The following NCAM2 variants were observed in gnomAD, a reference collection of about 807,000 sequenced individuals.
NCAM2 encodes neural cell adhesion molecule 2.
In NCAM2, 30 loss-of-function variants were observed where a neutral mutation model predicts 98.1. The ratio of observed to expected loss-of-function variants is 0.31; its 90% CI spans 0.23 to 0.41. The LOEUF is 0.41. Among genes scored for constraint, NCAM2 ranks in the 10% least tolerant of loss-of-function variants. NCAM2 has a pLI of 1.00. For missense variants in NCAM2, 867 were observed against 1,005.8 expected, an observed-to-expected ratio of 0.86 and a Z score of 1.87; for synonymous variants, 368 against 342.4, an observed-to-expected ratio of 1.07 and a Z score of -0.83.
chr21:21,366,879 C>A (rs1317959526), intron 8 of NCAM2, among the ~76,000 whole-genome samples: 1 of 151,872 alleles, frequency 6.6e-6, no homozygotes, highest in Admixed American at 6.6e-5. Context: ...GTATTAGATA[C>A]CAAAACATTT....
intron 15 of NCAM2, among the ~76,000 whole-genome samples, chr21:21,507,150 C>G (rs1167523820): frequency 6.6e-6 from 1 of 151,680 alleles, no homozygotes; most frequent in East Asian, 1.9e-4. Context: ...ACTCAGTCAT[C>G]CTACAGAACT....
At chr21:21,239,905 T>C (rs1335855597) in intron 1 of NCAM2, among the ~76,000 whole-genome samples, 1 of 152,146 alleles carries the variant, frequency 6.6e-6, no homozygotes, top group East Asian at 1.9e-4. Flanking sequence ...ATCTCAAGTA[T>C]GTTTTTTCCT....
intron 6 of NCAM2, among the ~76,000 whole-genome samples, chr21:21,334,472 T>C (rs1485717874): frequency 1.3e-5 from 2 of 152,114 alleles, no homozygotes; most frequent in South Asian, 4.1e-4. Flanking sequence ...TTTTAGAAAA[T>C]AGTTTTAATA....
chr21:21,130,489 T>C (rs903662779), intron 1 of NCAM2, among the ~76,000 whole-genome samples: 2 of 152,100 alleles, frequency 1.3e-5, no homozygotes, highest in Admixed American at 6.6e-5. Flanking sequence ...GTGCTTCCAA[T>C]AACATTTTCC....
intron 1 of NCAM2, among the ~76,000 whole-genome samples, chr21:21,166,496 G>A (rs1449900499): frequency 3.6e-5 from 5 of 139,338 alleles, no homozygotes; most frequent in Admixed American, 2.1e-4. Flanking sequence ...GTGAGCCACC[G>A]CGCCTGGCCT....
In NCAM2 at chr21:21,265,051, A is replaced by ATTATATATATGTGT. The variant is rs1568855519; in HGVS notation, c.56-15527_56-15526insTTATATATATGTGT. 1.8e-3 allele frequency among the ~76,000 whole-genome samples: 36 copies of ATTATATATATGTGT among 20,046 alleles called. No homozygotes were observed. The East Asian group carries it at 0.024, about 13-fold the overall frequency. 13.2% of individuals were successfully genotyped at this position (20,046 alleles called of 152,430 possible). ...TCTGTGTATATATGTACACATATAT[A>ATTATATATATGTGT]CTATATATGTGTATGTGTATATATA... On this transcript the variant is annotated intron_variant, in intron 1 of 17. Coordinates refer to ENST00000400546, the MANE Select transcript of NCAM2 (RefSeq NM_004540.5).
rs201699091 is a variant in NCAM2 at position 21,003,603 on chromosome 21, AG to A, written c.55+4987del. On this transcript the variant is annotated intron_variant, in intron 1 of 17. Transcript: ENST00000400546. ...TACCAAATGTCAACCCTACTATGCT[AG>A]GCTTTGTTTATATTTTTTAATAATG... 4.0e-3 allele frequency among the ~76,000 whole-genome samples: 606 copies of A among 152,312 alleles called. 5 individuals carry two copies. The highest frequency in any genetic ancestry group is 0.014 in the African/African-American group (575 of 41,578).
At chr21:21,309,755 A>G (rs750847555) in intron 5 of NCAM2, among the ~76,000 whole-genome samples, 1 of 152,136 alleles carries the variant, frequency 6.6e-6, no homozygotes, top group Non-Finnish European at 1.5e-5. Flanking sequence ...AGAGACCTCT[A>G]AACTCCAACT....
chr21:21,199,706 T>C (rs1913975273), intron 1 of NCAM2, among the ~76,000 whole-genome samples: 1 of 152,224 alleles, frequency 6.6e-6, no homozygotes, highest in Non-Finnish European at 1.5e-5. Context: ...ACATTACCAC[T>C]GCATAGATTA....
intron 15 of NCAM2, among the ~76,000 whole-genome samples, chr21:21,506,201 A>C (rs1349125848): frequency 1.3e-5 from 2 of 152,162 alleles, no homozygotes; most frequent in African/African-American, 4.8e-5. Flanking sequence ...CATCATGTGA[A>C]TGTATACACC....
chr21:21,387,179 C>CACAAACAT (rs2076287786), intron 9 of NCAM2, among the ~76,000 whole-genome samples: 1 of 67,854 alleles, frequency 1.5e-5, no homozygotes, highest in Non-Finnish European at 3.4e-5. Flanking sequence ...TTGGTGCGCA[C>CACAAACAT]ACACACATAC....
chr21:21,088,129 A>G (rs1195188904), intron 1 of NCAM2, among the ~76,000 whole-genome samples: 1 of 152,234 alleles, frequency 6.6e-6, no homozygotes, highest in African/African-American at 2.4e-5. Context: ...AAATTTGTGT[A>G]TACAATTAAT....
At chr21:21,379,361 T>C (rs182808482) in intron 9 of NCAM2, among the ~76,000 whole-genome samples, 177 of 152,220 alleles carry the variant, frequency 1.2e-3, no homozygotes, top group African/African-American at 4.1e-3. Context: ...TTAGTATATG[T>C]ATTTTAGATA....
chr21:21,029,116 C>G (rs1168589274), intron 1 of NCAM2, among the ~76,000 whole-genome samples: 1 of 152,120 alleles, frequency 6.6e-6, no homozygotes, highest in Non-Finnish European at 1.5e-5. Flanking sequence ...AACAGAAACC[C>G]ACAATCTTTG....
chr21:21,000,694 T>A (rs1281992039), intron 1 of NCAM2, among the ~76,000 whole-genome samples: 1 of 152,002 alleles, frequency 6.6e-6, no homozygotes, highest in Non-Finnish European at 1.5e-5. Flanking sequence ...GTGGCACTCA[T>A]AGAGACACAG....
At chr21:21,203,783 G>A (rs1568763758) in intron 1 of NCAM2, among the ~76,000 whole-genome samples, 1 of 152,150 alleles carries the variant, frequency 6.6e-6, no homozygotes, top group Non-Finnish European at 1.5e-5. Flanking sequence ...ACTTCTTAAA[G>A]TGTGTAGGTA....
intron 1 of NCAM2, chr21:21,147,003 C>G (rs2067295620): frequency 1.3e-6 from 1 of 758,696 alleles, no homozygotes; most frequent in Non-Finnish European, 1.6e-6. Context: ...ACTCCAGCAC[C>G]AGTGGACTTC....
rs184308574 is a variant in NCAM2 at position 21,084,914 on chromosome 21, A to T, written c.55+86296A>T. On this transcript the variant is annotated intron_variant, in intron 1 of 17. Coordinates refer to ENST00000400546, the MANE Select transcript of NCAM2 (RefSeq NM_004540.5). ...AAAGTCTTGCTCATGTTAAATAAAT[A>T]TAAATACAATGCTTGAATGTTGGGC... is the stretch of plus-strand genomic sequence containing the variant. 2.9e-3 allele frequency among the ~76,000 whole-genome samples: 444 copies of T among 152,264 alleles called. 3 individuals are homozygous for T. Among genetic ancestry groups the T allele is most frequent in the African/African-American group, 0.01 (427 of 41,552 alleles).
intron 1 of NCAM2, among the ~76,000 whole-genome samples, chr21:21,052,555 A>G (rs1002926397): frequency 6.6e-6 from 1 of 152,012 alleles, no homozygotes; most frequent in Admixed American, 6.5e-5. Context: ...GAAAAAAAAA[A>G]TCTGAGGAAT....
Sources: gnomAD v4.1 joint callset for allele counts (sites outside exome capture counted in the v4.1 genomes callset) on GRCh38, gnomAD v4.1.1 for gene constraint, MANE v1.5 for transcripts, NCBI Gene and HGNC (gene_info 2026-07-23, HGNC 2026-07-21) for gene names.